Variants in SOX5 observed in about 807,000 individuals in gnomAD.
SOX5 encodes SRY-box transcription factor 5.
A neutral mutation model predicts 92.0 loss-of-function variants in SOX5; 9 were observed. That is an observed-to-expected ratio of 0.10 (90% CI 0.06 to 0.17). The LOEUF (loss-of-function observed/expected upper bound fraction) is 0.17. Ranked by LOEUF, SOX5 falls within the 10% of genes least tolerant of loss-of-function variation. The pLI is 1.00. For missense variants in SOX5, 642 were observed against 944.5 expected (o/e 0.68, Z 4.20); for synonymous variants, 344 against 336.3 (o/e 1.02, Z -0.25).
intron 4 of SOX5, among the ~76,000 whole-genome samples, chr12:23,753,426 G>C (rs943628153): frequency 2.6e-5 from 4 of 151,612 alleles, no homozygotes; most frequent in Non-Finnish European, 5.9e-5. Context: ...AATATAAATG[G>C]AGGAGAAAAG....
intron 2 of SOX5, among the ~76,000 whole-genome samples, chr12:23,866,996 T>C (rs534237504): frequency 1.3e-5 from 2 of 152,114 alleles, no homozygotes; most frequent in East Asian, 3.9e-4. Flanking sequence ...CCATAAGTCC[T>C]TGCTTTCCCC....
intron 4 of SOX5, among the ~76,000 whole-genome samples, chr12:24,083,332 C>T (rs1943587915): frequency 1.3e-5 from 2 of 151,988 alleles, no homozygotes; most frequent in South Asian, 4.1e-4. Flanking sequence ...TATAATCACA[C>T]ATACAAGATT....
At chr12:23,617,448 T>C (rs1314604165) in intron 8 of SOX5, among the ~76,000 whole-genome samples, 2 of 152,188 alleles carry the variant, frequency 1.3e-5, no homozygotes, top group Non-Finnish European at 2.9e-5. Context: ...AGATATAATG[T>C]AATTTATTTA....
At chr12:24,150,945 T>G (rs1565539310) in intron 4 of SOX5, among the ~76,000 whole-genome samples, 1 of 152,080 alleles carries the variant, frequency 6.6e-6, no homozygotes, top group Non-Finnish European at 1.5e-5. Context: ...ACATGATCAT[T>G]GCACAGGAGA....
At chr12:24,315,861 C>T (rs1024977430) in intron 2 of SOX5, among the ~76,000 whole-genome samples, 34 of 152,158 alleles carry the variant, frequency 2.2e-4, no homozygotes, top group Admixed American at 1.4e-3. Context: ...ACTTTAAGTC[C>T]CACACAGAAA....
chr12:23,576,199 T>C (rs894470325), intron 9 of SOX5, among the ~76,000 whole-genome samples: 4 of 151,904 alleles, frequency 2.6e-5, no homozygotes, highest in East Asian at 1.9e-4. Context: ...GTTTTTTTTT[T>C]AATCTCCAAA....
intron 6 of SOX5, among the ~76,000 whole-genome samples, chr12:23,727,131 T>A (rs995263553): frequency 2.6e-5 from 4 of 152,192 alleles, no homozygotes; most frequent in African/African-American, 9.6e-5. Flanking sequence ...TTAGTGATTT[T>A]TCTGAGCAGC....
chr12:24,010,310 G>C (rs904056125), intron 4 of SOX5, among the ~76,000 whole-genome samples: 1 of 152,102 alleles, frequency 6.6e-6, no homozygotes, highest in Non-Finnish European at 1.5e-5. Context: ...GCATCTCTAG[G>C]ATTATGTCTG....
chr12:24,278,680 C>T (rs1418946202), intron 2 of SOX5, among the ~76,000 whole-genome samples: 2 of 152,134 alleles, frequency 1.3e-5, no homozygotes, highest in Non-Finnish European at 2.9e-5. Context: ...CACTGCACTT[C>T]AGCCTGGGCA....
Position 24,500,617 on chromosome 12 carries a change from T to C in SOX5, c.-251+61712A>G, listed in dbSNP as rs540518165. 3.9e-5 allele frequency among the ~76,000 whole-genome samples: 6 copies of C among 152,350 alleles called. No homozygotes were observed. In the South Asian group the frequency reaches 1.0e-3, roughly 26 times the overall value. On this transcript the variant is annotated intron_variant, in intron 1 of 4. Coordinates refer to the SOX5 transcript ENST00000446891. ...CTTCCTTTCATAATGGCTTTTCTAT[T>C]GAGCTTCATTTTGACCTTTCATTAC...
chr12:23,991,373 A>G (rs1301785154), intron 4 of SOX5, among the ~76,000 whole-genome samples: 3 of 151,736 alleles, frequency 2.0e-5, no homozygotes, highest in Non-Finnish European at 2.9e-5. Flanking sequence ...ACCACATATC[A>G]TATAGTAGTA....
intron 2 of SOX5, among the ~76,000 whole-genome samples, chr12:24,308,186 G>A (rs1948807629): frequency 6.6e-6 from 1 of 152,142 alleles, no homozygotes; most frequent in African/African-American, 2.4e-5. Context: ...TGCCTCAAGT[G>A]AGCATGCGTA....
upstream of SOX5, chr12:23,949,779 T>G (rs1945276872): frequency 1.8e-6 from 1 of 565,696 alleles, no homozygotes; most frequent in East Asian, 3.7e-5. Context: ...TCTCTCTCTC[T>G]CTCTCTCTCT....
intron 7 of SOX5, among the ~76,000 whole-genome samples, chr12:23,660,552 A>C (rs1247029799): frequency 2.0e-5 from 3 of 152,238 alleles, no homozygotes; most frequent in Non-Finnish European, 4.4e-5. Context: ...AATGCTTGAA[A>C]TCATATTGAC....
intron 7 of SOX5, among the ~76,000 whole-genome samples, chr12:23,655,240 CA>C (rs937474366): frequency 6.6e-6 from 1 of 152,042 alleles, no homozygotes; most frequent in Non-Finnish European, 1.5e-5. Context: ...GAAAAGGTGA[CA>C]ATGAATCAAA....
At chr12:23,539,279 C>A (rs577645311) in intron 13 of SOX5, among the ~76,000 whole-genome samples, 24 of 152,228 alleles carry the variant, frequency 1.6e-4, no homozygotes, top group Non-Finnish European at 3.2e-4. Flanking sequence ...CATAATGTTG[C>A]ATTCATTCCT....
At chr12:23,595,618 CAAAAAAAAAAAAAA>C (rs747265656) in intron 9 of SOX5, among the ~76,000 whole-genome samples, 1 of 46,310 alleles carries the variant, frequency 2.2e-5, no homozygotes, top group African/African-American at 8.9e-5. Flanking sequence ...GACTCTGCCT[CAAAAAAAAAAAAAA>C]AAAAAAAAAA....
At chr12:24,480,398 A>C (rs4441108) in intron 1 of SOX5, among the ~76,000 whole-genome samples, 2 of 151,944 alleles carry the variant, frequency 1.3e-5, no homozygotes, top group East Asian at 3.9e-4. Flanking sequence ...AAAGCAAAAA[A>C]GAACAAATGA....
intron 3 of SOX5, among the ~76,000 whole-genome samples, chr12:23,816,750 G>A (rs1225932505): frequency 6.6e-6 from 1 of 152,138 alleles, no homozygotes; most frequent in African/African-American, 2.4e-5. Flanking sequence ...TGAGAAGTGG[G>A]ACTGGAGAGT....
Sources: allele counts gnomAD v4.1 joint callset (sites outside exome capture counted in the v4.1 genomes callset), GRCh38; gene constraint gnomAD v4.1.1; transcripts MANE v1.5; gene names NCBI Gene and HGNC (gene_info 2026-07-23, HGNC 2026-07-21).